Variants in ADAM7 observed in about 807,000 individuals in gnomAD.
The protein encoded by ADAM7 is disintegrin and metalloproteinase domain-containing protein 7.
A neutral mutation model predicts 102.9 loss-of-function variants in ADAM7; 97 were observed. The observed-to-expected ratio is 0.94, with a 90% CI of 0.80 to 1.12. The LOEUF (loss-of-function observed/expected upper bound fraction) is 1.12, where lower values mean the gene tolerates loss of function less well. ADAM7 is among the 50% of genes most tolerant of loss of function. The pLI is 0.00. For missense variants in ADAM7, 991 were observed against 908.7 expected (o/e 1.09, Z -1.16); for synonymous variants, 334 against 304.4 (o/e 1.10, Z -1.01).
intron 3 of ADAM7, among the ~76,000 whole-genome samples, chr8:24,448,921 C>T (rs1034534479): frequency 3.3e-5 from 5 of 151,970 alleles, no homozygotes; most frequent in Admixed American, 1.3e-4. Flanking sequence ...TTTGTTCTTG[C>T]GATAGTTTAC....
chr8:24,468,656 A>G, intron 6 of ADAM7, 111 bp from the exon 7 acceptor site: 1 of 871,442 alleles, frequency 1.1e-6, no homozygotes, highest in Non-Finnish European at 1.8e-6. Flanking sequence ...CCCATTTTGT[A>G]TCAATATCAA....
chr8:24,447,384 C>T, intron 3 of ADAM7, 122 bp downstream of exon 3: 1 of 452,604 alleles, frequency 2.2e-6, no homozygotes, highest in South Asian at 5.5e-5. Flanking sequence ...TGAATTTTTC[C>T]TCTTCAAATA....
intron 8 of ADAM7, among the ~76,000 whole-genome samples, chr8:24,478,905 C>T (rs768696725): frequency 2.6e-5 from 4 of 152,204 alleles, no homozygotes; most frequent in South Asian, 2.1e-4. Context: ...CATTAACATG[C>T]GGAATTGGAT....
chr8:24,508,405 A>T (rs1821021965), intron 21 of ADAM7, 141 bp from the exon 22 acceptor site: 1 of 774,834 alleles, frequency 1.3e-6, no homozygotes, highest in Admixed American at 2.5e-5. Context: ...GGCTAGGGAG[A>T]TCTATAAAAG....
chr8:24,507,095 C>T (rs1820976133), intron 20 of ADAM7, among the ~76,000 whole-genome samples: 1 of 152,018 alleles, frequency 6.6e-6, no homozygotes, highest in African/African-American at 2.4e-5. Flanking sequence ...CTTCCTTGAA[C>T]CCGGGCAGTC....
chr8:24,480,335 T>C lies in ADAM7; in HGVS notation c.706-1807T>C, dbSNP rs1179846106. ...TAAGCTAACAAAGTCTAAAAGCCCG[T>C]GTGCCTGGCCATTGTATCCCTTCTT... is the stretch of plus-strand genomic sequence containing the variant. On this transcript the variant is annotated intron_variant, in intron 8 of 21. Coordinates refer to ENST00000175238, the MANE Select transcript of ADAM7 (RefSeq NM_003817.4). Among the ~76,000 whole-genome samples the C allele has an allele frequency of 3.9e-5, 6 of 152,310 alleles. No homozygotes were observed. In the East Asian group the frequency reaches 1.2e-3, roughly 29 times the overall value.
intron 7 of ADAM7, among the ~76,000 whole-genome samples, chr8:24,475,033 G>A (rs1819724095): frequency 6.6e-6 from 1 of 152,118 alleles, no homozygotes; most frequent in Admixed American, 6.6e-5. Context: ...CAATAATGAG[G>A]AATTCTCAGC....
chr8:24,506,103 G>A lies in ADAM7; in HGVS notation c.2209-1377G>A. On this transcript the variant is annotated intron_variant, in intron 20 of 21. Coordinates refer to ENST00000175238, the MANE Select transcript of ADAM7 (RefSeq NM_003817.4). ...CTCTTCTTACTAGCAGAGAACTCCA[G>A]AATCCTTGGAAAGCCTGCCCACTAG... is the stretch of plus-strand genomic sequence containing the variant. 3 of 1,549,872 alleles carry A rather than the reference G, an allele frequency of 1.9e-6. 1 individual carries two copies. The highest frequency in any genetic ancestry group is 1.4e-5 in the African/African-American group (1 of 73,012).
At chr8:24,459,709 C>T (rs569198878) in intron 3 of ADAM7, among the ~76,000 whole-genome samples, 2 of 152,302 alleles carry the variant, frequency 1.3e-5, no homozygotes, top group Admixed American at 6.5e-5. Context: ...ATTCTCCTGC[C>T]TTGGCCTCCC....
intron 2 of ADAM7, among the ~76,000 whole-genome samples, chr8:24,445,933 GCA>G (rs1818541761): frequency 6.6e-6 from 1 of 152,036 alleles, no homozygotes; most frequent in Non-Finnish European, 1.5e-5. Flanking sequence ...AATATCCCTG[GCA>G]CAGTCCTTGC....
At chr8:24,443,602 C>T (rs1818448033) in intron 2 of ADAM7, among the ~76,000 whole-genome samples, 1 of 152,166 alleles carries the variant, frequency 6.6e-6, no homozygotes, top group Admixed American at 6.5e-5. Flanking sequence ...GTGGCGTCTT[C>T]TCACGACTAC....
intron 11 of ADAM7, among the ~76,000 whole-genome samples, chr8:24,488,273 A>G (rs932644829): frequency 1.3e-5 from 2 of 152,176 alleles, no homozygotes; most frequent in Non-Finnish European, 2.9e-5. Context: ...ACAGTTACAG[A>G]ATAAATGAAT....
rs561090674 is a variant in ADAM7, at chr8:24,507,542, T to C, written c.2264+7T>C. On this transcript the variant is annotated splice_region_variant and intron_variant, in intron 21 of 21. Transcript: ENST00000175238. The stretch of plus-strand genomic sequence containing the variant: ...CCAATCAAAGTGCCAAGTGGTAGGT[T>C]ACCCTGACAGATAGTACCTCCCTTT... 6.2e-7 allele frequency: 1 copy of C among 1,606,336 alleles called. No homozygotes were observed. The highest frequency in any genetic ancestry group is 1.7e-5 in the Admixed American group (1 of 59,962).
At chr8:24,501,825 C>T (rs2320222) in intron 20 of ADAM7, among the ~76,000 whole-genome samples, 48,795 of 151,784 alleles carry the variant, frequency 0.32, 8,046 homozygotes, top group South Asian at 0.4. Flanking sequence ...TAATAACATA[C>T]TAATTTGTGC....
chr8:24,471,199 C>T (rs1229626324), intron 7 of ADAM7, among the ~76,000 whole-genome samples: 1 of 151,760 alleles, frequency 6.6e-6, no homozygotes. Context: ...AAACTGATGT[C>T]TAAAAAAATC....
intron 3 of ADAM7, among the ~76,000 whole-genome samples, chr8:24,455,387 G>T (rs1818993373): frequency 6.6e-6 from 1 of 152,106 alleles, no homozygotes; most frequent in Non-Finnish European, 1.5e-5. Flanking sequence ...AACAAGGTTA[G>T]CATTAGAGTT....
Position 24,489,220 on chromosome 8 carries a change from T to C in ADAM7, c.1153T>C (p.Tyr385His). Residue 385 changes from tyrosine to histidine, a missense_variant, in exon 12 of 22, where the codon TAT becomes CAT. Coordinates refer to ENST00000175238, the MANE Select transcript of ADAM7 (RefSeq NM_003817.4). ...QNQYHQYLKD[Y>H]KPTCMLNIPF... ...CCAATACCACCAGTACTTGAAGGAT[T>C]ATAAGCCAACATGCATGCTCAACAT... 1 of 1,613,698 alleles carries C rather than the reference T, an allele frequency of 6.2e-7. No homozygotes were observed. The highest frequency in any genetic ancestry group is 8.5e-7 in the Non-Finnish European group (1 of 1,179,742).
At chr8:24,492,201 G>A in intron 14 of ADAM7, 103 bp downstream of exon 14, 2 of 1,168,216 alleles carry the variant, frequency 1.7e-6, no homozygotes, top group Non-Finnish European at 2.4e-6. Flanking sequence ...TGTCATTTGT[G>A]GCATTATTCC....
intron 20 of ADAM7, among the ~76,000 whole-genome samples, chr8:24,501,790 T>G (rs549529323): frequency 7.0e-4 from 107 of 151,964 alleles, no homozygotes; most frequent in African/African-American, 2.2e-3. Context: ...ACCAAGATAC[T>G]ATATCAGAGC....
Sources: gnomAD v4.1 joint callset for allele counts (sites outside exome capture counted in the v4.1 genomes callset) on GRCh38, gnomAD v4.1.1 for gene constraint, MANE v1.5 for transcripts, NCBI Gene and HGNC (gene_info 2026-07-23, HGNC 2026-07-21) for gene names.